DENND1A: variants seen among roughly 807,000 people sequenced by gnomAD.
DENND1A encodes DENN domain-containing protein 1A.
In DENND1A, 51 loss-of-function variants were observed where a neutral mutation model predicts 113.7. The observed-to-expected ratio is 0.45, with a 90% CI of 0.36 to 0.57. DENND1A has a LOEUF of 0.57. Ranked by LOEUF, DENND1A falls within the 20% of genes least tolerant of loss-of-function variation. The probability of loss-of-function intolerance (pLI) is 0.00; values close to 1 mark genes in which losing one functional copy is unlikely to be tolerated. For synonymous variants in DENND1A, 565 were observed against 570.8 expected (o/e 0.99, Z 0.14); for missense variants, 1,258 against 1,395.9 (o/e 0.90, Z 1.57).
At chr9:123,890,515 C>G (rs1849746124) in intron 1 of DENND1A, among the ~76,000 whole-genome samples, 1 of 152,168 alleles carries the variant, frequency 6.6e-6, no homozygotes, top group Non-Finnish European at 1.5e-5. Flanking sequence ...TTCCATTACC[C>G]CATCTAAGAA....
intron 5 of DENND1A, among the ~76,000 whole-genome samples, chr9:123,698,753 A>G (rs1382019522): frequency 2.0e-5 from 3 of 152,186 alleles, no homozygotes; most frequent in African/African-American, 7.2e-5. Context: ...CTGGCAACCA[A>G]AAGAACAGCT....
At chr9:123,435,598 GT>G (rs1248000459) in intron 19 of DENND1A, among the ~76,000 whole-genome samples, 1 of 152,238 alleles carries the variant, frequency 6.6e-6, no homozygotes, top group African/African-American at 2.4e-5. Flanking sequence ...CAACTACTTT[GT>G]TTGCAGATCA....
In DENND1A at chr9:123,858,634, G is replaced by A. The variant is rs907004161; in HGVS notation, c.88+20317C>T. ...GAGGAGGTTAAATTCAATTTGAGAT[G>A]CCCATGTAGGATGGAGAAACAGCTA... On this transcript the variant is annotated intron_variant, in intron 2 of 23. Coordinates refer to ENST00000394215, the MANE Select transcript of DENND1A (RefSeq NM_001352964.2). 5.9e-5 allele frequency among the ~76,000 whole-genome samples: 9 copies of A among 152,226 alleles called. No individual in the cohort carries two copies. In the East Asian group the frequency reaches 1.7e-3, roughly 29 times the overall value.
chr9:123,566,698 C>T (rs1564731647), intron 12 of DENND1A, among the ~76,000 whole-genome samples: 1 of 152,084 alleles, frequency 6.6e-6, no homozygotes, highest in Non-Finnish European at 1.5e-5. Context: ...CCAAATAAAG[C>T]TCAGGAGGAG....
chr9:123,695,508 T>C (rs1589701742), intron 5 of DENND1A, among the ~76,000 whole-genome samples: 1 of 152,038 alleles, frequency 6.6e-6, no homozygotes, highest in Admixed American at 6.5e-5. Flanking sequence ...ATCCTATTAG[T>C]GTGTCCCTCT....
At chr9:123,439,463 G>A (rs62581072) in intron 19 of DENND1A, among the ~76,000 whole-genome samples, 2,306 of 152,244 alleles carry the variant, frequency 0.015, 30 homozygotes, top group Middle Eastern at 0.034. Flanking sequence ...ACCTGATAAA[G>A]GTCTGTTTAA....
intron 13 of DENND1A, among the ~76,000 whole-genome samples, chr9:123,523,802 T>C (rs971112181): frequency 2.0e-5 from 3 of 152,210 alleles, no homozygotes; most frequent in African/African-American, 7.2e-5. Context: ...GTATGGGCTA[T>C]ATGCAGAAAG....
intron 12 of DENND1A, among the ~76,000 whole-genome samples, chr9:123,566,596 G>A (rs968281332): frequency 2.0e-5 from 3 of 152,134 alleles, no homozygotes; most frequent in Non-Finnish European, 4.4e-5. Context: ...GAGCATCCCA[G>A]GAATAAGCTA....
At chr9:123,849,329 C>T (rs915312891) in intron 2 of DENND1A, among the ~76,000 whole-genome samples, 2 of 152,176 alleles carry the variant, frequency 1.3e-5, no homozygotes, top group African/African-American at 4.8e-5. Context: ...GCTAAATCTA[C>T]TTTGCCTGTG....
intron 10 of DENND1A, among the ~76,000 whole-genome samples, chr9:123,613,952 C>A (rs1268708934): frequency 6.6e-6 from 1 of 152,188 alleles, no homozygotes; most frequent in East Asian, 1.9e-4. Flanking sequence ...AGGAAAAGGG[C>A]TCTGTTGCTG....
At chr9:123,737,076 G>A (rs1485448122) in intron 5 of DENND1A, among the ~76,000 whole-genome samples, 1 of 152,246 alleles carries the variant, frequency 6.6e-6, no homozygotes, top group Non-Finnish European at 1.5e-5. Context: ...GAGAATAGGA[G>A]TTAATCCTGC....
At chr9:123,547,687 C>T (rs998437150) in intron 13 of DENND1A, among the ~76,000 whole-genome samples, 1 of 152,082 alleles carries the variant, frequency 6.6e-6, no homozygotes, top group African/African-American at 2.4e-5. Flanking sequence ...TGATTTATTT[C>T]AAATCCTTTA....
chr9:123,523,367 C>T (rs2564362), intron 13 of DENND1A, among the ~76,000 whole-genome samples: 11,003 of 152,212 alleles, frequency 0.072, 486 homozygotes, highest in Non-Finnish European at 0.1. Flanking sequence ...AACTCTTATT[C>T]CATGTGTATA....
intron 13 of DENND1A, among the ~76,000 whole-genome samples, chr9:123,514,082 GTGTGTGTGTGTGTGTA>G (rs1564630228): frequency 4.4e-5 from 3 of 68,564 alleles, no homozygotes; most frequent in Admixed American, 2.0e-4. Context: ...GTGTGTGTGT[GTGTGTGTGTGTGTGTA>G]TGTGTGTGTG....
At chr9:123,452,071 G>A (rs1387989726) in intron 17 of DENND1A, among the ~76,000 whole-genome samples, 1 of 149,882 alleles carries the variant, frequency 6.7e-6, no homozygotes, top group African/African-American at 2.5e-5. Context: ...GTGCACACCT[G>A]TAGTCCTAGC....
chr9:123,927,526 C>G (rs898762755), intron 1 of DENND1A, among the ~76,000 whole-genome samples: 1 of 152,190 alleles, frequency 6.6e-6, no homozygotes, highest in Non-Finnish European at 1.5e-5. Flanking sequence ...TACATTGATA[C>G]TGTGTTCAAT....
At chr9:123,893,733 G>A (rs1003463476) in intron 1 of DENND1A, among the ~76,000 whole-genome samples, 5 of 152,214 alleles carry the variant, frequency 3.3e-5, no homozygotes, top group African/African-American at 1.2e-4. Context: ...CTTGCCCAAA[G>A]ACAAATATCT....
intron 19 of DENND1A, among the ~76,000 whole-genome samples, chr9:123,425,316 C>T (rs1198417445): frequency 6.6e-6 from 1 of 152,228 alleles, no homozygotes; most frequent in Non-Finnish European, 1.5e-5. Flanking sequence ...CCGACACAGA[C>T]CTTTAAAGAA....
intron 9 of DENND1A, among the ~76,000 whole-genome samples, chr9:123,647,229 G>T (rs1411760025): frequency 6.6e-6 from 1 of 151,774 alleles, no homozygotes; most frequent in Non-Finnish European, 1.5e-5. Flanking sequence ...AAAAAAAAAT[G>T]TAAGAACCCC....
Sources: gnomAD v4.1 joint callset for allele counts (sites outside exome capture counted in the v4.1 genomes callset) on GRCh38, gnomAD v4.1.1 for gene constraint, MANE v1.5 for transcripts, NCBI Gene and HGNC (gene_info 2026-07-23, HGNC 2026-07-21) for gene names.